Variants in BRINP1 observed in about 807,000 individuals in gnomAD.
BRINP1 encodes BMP/retinoic acid-inducible neural-specific protein 1.
In BRINP1, 17 loss-of-function variants were observed where a neutral mutation model predicts 72.9. That is an observed-to-expected ratio of 0.23 (90% CI 0.16 to 0.35). BRINP1 has a LOEUF of 0.35. BRINP1 is among the 10% of genes least tolerant of loss of function. BRINP1 has a pLI of 1.00. For missense variants in BRINP1, 850 were observed against 1,001.6 expected (o/e 0.85, Z 2.04); for synonymous variants, 418 against 378.5 (o/e 1.10, Z -1.21).
At chr9:119,360,276 T>C (rs937990544) in intron 1 of BRINP1, among the ~76,000 whole-genome samples, 16 of 152,228 alleles carry the variant, frequency 1.1e-4, no homozygotes, top group African/African-American at 3.9e-4. Flanking sequence ...CAATCTTTCC[T>C]AAGCATACCA....
intron 5 of BRINP1, among the ~76,000 whole-genome samples, chr9:119,214,501 T>C (rs1035958139): frequency 6.6e-6 from 1 of 152,196 alleles, no homozygotes; most frequent in African/African-American, 2.4e-5. Flanking sequence ...TATTATTCTT[T>C]ATTTCCTCAA....
chr9:119,348,664 T>C (rs1831472635), intron 1 of BRINP1, among the ~76,000 whole-genome samples: 1 of 152,196 alleles, frequency 6.6e-6, no homozygotes, highest in African/African-American at 2.4e-5. Context: ...GGTCATTCTC[T>C]CTTTGAAGAA....
intron 2 of BRINP1, among the ~76,000 whole-genome samples, chr9:119,262,973 G>A (rs1830512490): frequency 6.6e-6 from 1 of 152,130 alleles, no homozygotes; most frequent in Non-Finnish European, 1.5e-5. Flanking sequence ...CATTTTGCCG[G>A]AGGAAGTACA....
chr9:119,274,284 C>T (rs181307342), intron 2 of BRINP1, among the ~76,000 whole-genome samples: 290 of 152,312 alleles, frequency 1.9e-3, no homozygotes, highest in African/African-American at 6.7e-3. Context: ...GAGAACCCAG[C>T]GTCCCTTTGC....
Position 119,166,857 on chromosome 9 carries a change from G to C in BRINP1, c.*227C>G, listed in dbSNP as rs753138493. ...CTCCCTCAATGCTCCACAAAAGGCTGAGACCCTTCTTCATGACAGAGTGAG... is the reference window on the plus strand; with the variant it reads ...CTCCCTCAATGCTCCACAAAAGGCTCAGACCCTTCTTCATGACAGAGTGAG... On this transcript the variant is annotated 3_prime_UTR_variant, in exon 8 of 8. Coordinates refer to ENST00000265922, the MANE Select transcript of BRINP1 (RefSeq NM_014618.3). The C allele has an allele frequency of 1.2e-5, 6 of 501,186 alleles. No homozygotes were observed. The highest frequency in any genetic ancestry group is 2.1e-5 in the Non-Finnish European group (6 of 285,890). 31.0% of individuals were successfully genotyped at this position (501,186 alleles called of 1,614,324 possible).
At chr9:119,210,008 G>T (rs967853945) in intron 6 of BRINP1, among the ~76,000 whole-genome samples, 1 of 152,212 alleles carries the variant, frequency 6.6e-6, no homozygotes. Flanking sequence ...CTGAGTTTCA[G>T]AGTGTCAACT....
At chr9:119,232,412 T>C (rs1206809238) in intron 5 of BRINP1, among the ~76,000 whole-genome samples, 1 of 152,200 alleles carries the variant, frequency 6.6e-6, no homozygotes. Flanking sequence ...CAGGTCAAGT[T>C]ACTTCTCTGC....
intron 2 of BRINP1, among the ~76,000 whole-genome samples, chr9:119,254,209 A>T (rs1830423147): frequency 1.3e-5 from 2 of 152,234 alleles, no homozygotes; most frequent in Non-Finnish European, 1.5e-5. Flanking sequence ...TGCTGGTGAC[A>T]GTGGACAGAT....
At chr9:119,221,880 A>G (rs1830044816) in intron 5 of BRINP1, among the ~76,000 whole-genome samples, 1 of 152,118 alleles carries the variant, frequency 6.6e-6, no homozygotes, top group Non-Finnish European at 1.5e-5. Flanking sequence ...GCAGAGTTTG[A>G]AAGGTGACAT....
chr9:119,317,589 A>T (rs1831137755), intron 1 of BRINP1, among the ~76,000 whole-genome samples: 1 of 152,218 alleles, frequency 6.6e-6, no homozygotes. Context: ...CAGTGGCAAG[A>T]TTTGAGAGTA....
At chr9:119,359,657 AAAG>A (rs1831608823) in intron 1 of BRINP1, among the ~76,000 whole-genome samples, 1 of 152,228 alleles carries the variant, frequency 6.6e-6, no homozygotes, top group Admixed American at 6.5e-5. Context: ...TTCAAGTCAG[AAAG>A]AAGTAGATTC....
intron 5 of BRINP1, among the ~76,000 whole-genome samples, chr9:119,225,333 T>C (rs906623691): frequency 6.6e-6 from 1 of 151,984 alleles, no homozygotes; most frequent in Non-Finnish European, 1.5e-5. Flanking sequence ...TATCCCTTGG[T>C]ATCTGCAGGG....
intron 2 of BRINP1, among the ~76,000 whole-genome samples, chr9:119,309,077 C>T (rs1831033365): frequency 6.6e-6 from 1 of 152,122 alleles, no homozygotes; most frequent in Non-Finnish European, 1.5e-5. Context: ...AGAATAATTC[C>T]TAGTAAACAA....
chr9:119,356,372 A>G (rs1831565814), intron 1 of BRINP1, among the ~76,000 whole-genome samples: 1 of 152,132 alleles, frequency 6.6e-6, no homozygotes, highest in Non-Finnish European at 1.5e-5. Context: ...AATACACTAT[A>G]TGTTTACTTC....
chr9:119,212,419 T>C (rs1353512588), intron 6 of BRINP1, among the ~76,000 whole-genome samples: 1 of 152,262 alleles, frequency 6.6e-6, no homozygotes. Context: ...TCTTCTCATT[T>C]ATCAGATGAG....
intron 3 of BRINP1, among the ~76,000 whole-genome samples, chr9:119,246,568 T>C (rs1405402928): frequency 1.3e-5 from 2 of 152,192 alleles, no homozygotes; most frequent in African/African-American, 2.4e-5. Context: ...ATCCCCTTTA[T>C]ATATACATCT....
intron 1 of BRINP1, among the ~76,000 whole-genome samples, chr9:119,350,142 C>G (rs1831492227): frequency 6.6e-6 from 1 of 152,124 alleles, no homozygotes; most frequent in East Asian, 1.9e-4. Flanking sequence ...GCCTGTCAAT[C>G]AACATCCAAC....
chr9:119,224,229 C>T (rs1451844058), intron 5 of BRINP1, among the ~76,000 whole-genome samples: 4 of 151,984 alleles, frequency 2.6e-5, no homozygotes. Context: ...CATACATATG[C>T]ACGAGTTTGC....
intron 1 of BRINP1, among the ~76,000 whole-genome samples, chr9:119,317,632 C>T (rs139440767): frequency 2.8e-4 from 43 of 152,264 alleles, no homozygotes; most frequent in Middle Eastern, 3.4e-3. Context: ...TTCTACCTTA[C>T]GTAAAATACT....
Sources: allele counts gnomAD v4.1 joint callset (sites outside exome capture counted in the v4.1 genomes callset), GRCh38; gene constraint gnomAD v4.1.1; transcripts MANE v1.5; gene names NCBI Gene and HGNC (gene_info 2026-07-23, HGNC 2026-07-21).